The following CWF19L2 variants were observed in gnomAD, a reference collection of about 807,000 sequenced individuals.
CWF19L2 encodes the protein CWF19 like cell cycle control factor 2, also known as CWF19-like protein 2.
CWF19L2 carries 98 observed loss-of-function variants against 111.7 expected under a neutral mutation model. The ratio of observed to expected loss-of-function variants is 0.88; its 90% CI spans 0.75 to 1.04. CWF19L2 has a LOEUF of 1.04. CWF19L2 is among the 50% of genes least tolerant of loss of function. The pLI is 0.00. For synonymous variants in CWF19L2, 351 were observed against 342.9 expected, an observed-to-expected ratio of 1.02 and a Z score of -0.26; for missense variants, 1,101 against 1,051.4, an observed-to-expected ratio of 1.05 and a Z score of -0.65.
intron 10 of CWF19L2, among the ~76,000 whole-genome samples, chr11:107,396,413 A>C (rs1035609302): frequency 2.0e-5 from 3 of 152,184 alleles, no homozygotes; most frequent in Non-Finnish European, 4.4e-5. Context: ...ACAAATCCCA[A>C]AATGCTCTGG....
intron 14 of CWF19L2, among the ~76,000 whole-genome samples, chr11:107,337,754 G>A (rs1591149029): frequency 6.6e-6 from 1 of 152,126 alleles, no homozygotes; most frequent in South Asian, 2.1e-4. Flanking sequence ...AGTTGGCCTT[G>A]TAAGAGTTTA....
chr11:107,334,653 C>T (rs1357540409), intron 16 of CWF19L2, among the ~76,000 whole-genome samples: 1 of 152,196 alleles, frequency 6.6e-6, no homozygotes, highest in Non-Finnish European at 1.5e-5. Context: ...ACTACAGTGG[C>T]AGAAGGCCAA....
intron 6 of CWF19L2, among the ~76,000 whole-genome samples, chr11:107,436,876 A>G (rs1163166694): frequency 2.0e-5 from 3 of 152,144 alleles, no homozygotes; most frequent in South Asian, 2.1e-4. Context: ...TAATATTAAA[A>G]TACTATCTAC....
chr11:107,400,293 A>G (rs1196169204), intron 10 of CWF19L2, among the ~76,000 whole-genome samples: 1 of 152,092 alleles, frequency 6.6e-6, no homozygotes, highest in Non-Finnish European at 1.5e-5. Flanking sequence ...TGGTTCTTCA[A>G]AAAGATAAAT....
chr11:107,346,037 C>T (rs1860075008), intron 14 of CWF19L2, among the ~76,000 whole-genome samples: 1 of 152,096 alleles, frequency 6.6e-6, no homozygotes, highest in African/African-American at 2.4e-5. Flanking sequence ...GTCAATGCAT[C>T]CAGACTACAA....
intron 10 of CWF19L2, among the ~76,000 whole-genome samples, chr11:107,397,851 G>GA (rs71044297): frequency 0.7 from 106,565 of 151,694 alleles, 37,839 homozygotes; most frequent in Non-Finnish European, 0.77. Flanking sequence ...AGGACTCTGT[G>GA]AAAACCCCCC....
rs1284221372 is a variant in CWF19L2, at chr11:107,326,885, A to G, written c.*25T>C. On this transcript the variant is annotated 3_prime_UTR_variant, in exon 18 of 18. Coordinates refer to ENST00000282251, the MANE Select transcript of CWF19L2 (RefSeq NM_152434.3). ...AATAAAACTGAACGGGATCTGAAGA[A>G]AAATTTTAAAATGGAAGGTACACCT... The G allele has an allele frequency of 1.7e-5, 26 of 1,557,368 alleles. No individual in the cohort carries two copies. Among genetic ancestry groups the G allele is most frequent in the Non-Finnish European group, 2.2e-5 (26 of 1,155,946 alleles).
intron 12 of CWF19L2, among the ~76,000 whole-genome samples, chr11:107,358,176 C>T (rs1011643514): frequency 1.3e-5 from 2 of 152,104 alleles, no homozygotes; most frequent in Non-Finnish European, 2.9e-5. Context: ...CTTTGGAAAA[C>T]AGTCTGGTAG....
In CWF19L2 at chr11:107,330,021, T is replaced by G; in HGVS notation, c.2440-2A>C. 6.5e-7 allele frequency: 1 copy of G among 1,540,094 alleles called. No individual in the cohort carries two copies. Among genetic ancestry groups the G allele is most frequent in the Non-Finnish European group, 8.8e-7 (1 of 1,140,500 alleles). On this transcript the variant is annotated splice_acceptor_variant, in intron 16 of 17. Coordinates refer to ENST00000282251, the MANE Select transcript of CWF19L2 (RefSeq NM_152434.3). LOFTEE classifies it high-confidence loss of function. ...GAAGTAAGGTAACCCTCTGGGTACC[T>G]AAATAAACAGACAAATCACAAATGG... is the stretch of plus-strand genomic sequence containing the variant.
At chr11:107,361,174 C>G (rs919838423) in intron 12 of CWF19L2, among the ~76,000 whole-genome samples, 24 of 152,182 alleles carry the variant, frequency 1.6e-4, no homozygotes, top group African/African-American at 5.8e-4. Flanking sequence ...CTGCATAGGG[C>G]AAACCAATTT....
At chr11:107,398,495 T>G (rs192567020) in intron 10 of CWF19L2, among the ~76,000 whole-genome samples, 1 of 151,960 alleles carries the variant, frequency 6.6e-6, no homozygotes, top group East Asian at 1.9e-4. Flanking sequence ...GACAAAAAAC[T>G]AAGAAAATAT....
intron 7 of CWF19L2, among the ~76,000 whole-genome samples, chr11:107,430,697 T>C (rs1474133288): frequency 6.6e-6 from 1 of 151,948 alleles, no homozygotes; most frequent in East Asian, 1.9e-4. Context: ...AAACAGAAAG[T>C]AGGAAGGTGG....
Position 107,327,047 on chromosome 11 carries a change from T to A in CWF19L2, c.2548A>T (p.Ile850Leu). ...KFPHYFGKEI[I>L]GGMLDIEPRL... ...GGTTCTATATCCAGCATCCCACCTA[T>A]GATTTCCTTTTAAAGAAAGAGAAAA... Residue 850 changes from isoleucine to leucine, a missense_variant, in exon 18 of 18, where the codon ATA (isoleucine) becomes TTA (leucine). Physicochemically the swap from Ile to Leu is conservative, Grantham distance 5. Coordinates refer to ENST00000282251, the MANE Select transcript of CWF19L2 (RefSeq NM_152434.3). 1 of 1,590,312 alleles carries A rather than the reference T, an allele frequency of 6.3e-7. No individual in the cohort carries two copies. Among genetic ancestry groups the A allele is most frequent in the Non-Finnish European group, 8.5e-7 (1 of 1,172,636 alleles).
At chr11:107,448,277 G>A (rs1379178604) in intron 3 of CWF19L2, among the ~76,000 whole-genome samples, 4 of 150,218 alleles carry the variant, frequency 2.7e-5, no homozygotes, top group African/African-American at 7.4e-5. Context: ...CCCAGGAGGC[G>A]GAGGTTGCAG....
At chr11:107,452,336 C>G (rs1041398075) in intron 3 of CWF19L2, among the ~76,000 whole-genome samples, 9 of 151,758 alleles carry the variant, frequency 5.9e-5, no homozygotes, top group Non-Finnish European at 1.2e-4. Context: ...TACATACTAG[C>G]TGTAAACACA....
chr11:107,452,277 ACT>A (rs1469135926), intron 3 of CWF19L2, among the ~76,000 whole-genome samples: 1 of 152,128 alleles, frequency 6.6e-6, no homozygotes, highest in African/African-American at 2.4e-5. Flanking sequence ...GTTTTTTTTC[ACT>A]TTTTTCTTTT....
chr11:107,385,087 T>G (rs1860745463), intron 12 of CWF19L2, among the ~76,000 whole-genome samples: 1 of 152,192 alleles, frequency 6.6e-6, no homozygotes, highest in African/African-American at 2.4e-5. Context: ...TTCAAATACT[T>G]TCTTTTTTTT....
At chr11:107,404,130 T>C (rs2135387460) in intron 10 of CWF19L2, 1 of 775,476 alleles carries the variant, frequency 1.3e-6, no homozygotes, top group South Asian at 1.3e-5. Flanking sequence ...GTCGACTTTC[T>C]TCCTCTAAAG....
intron 12 of CWF19L2, among the ~76,000 whole-genome samples, chr11:107,365,605 C>A (rs1256872682): frequency 1.0e-5 from 1 of 100,188 alleles, no homozygotes; most frequent in Non-Finnish European, 1.9e-5. Flanking sequence ...GCAGAAAAAG[C>A]CTTTGACAAA....
Sources: gnomAD v4.1 joint callset for allele counts (sites outside exome capture counted in the v4.1 genomes callset) on GRCh38, gnomAD v4.1.1 for gene constraint, MANE v1.5 for transcripts, NCBI Gene and HGNC (gene_info 2026-07-23, HGNC 2026-07-21) for gene names.